DCP2: variants seen among roughly 807,000 people sequenced by gnomAD.
The protein encoded by DCP2 is decapping mRNA 2.
In DCP2, 30 loss-of-function variants were observed where a neutral mutation model predicts 56.1. That is an observed-to-expected ratio of 0.53 (90% CI 0.40 to 0.73). The LOEUF is 0.73. Among genes scored for constraint, DCP2 ranks in the 30% least tolerant of loss-of-function variants. The probability of loss-of-function intolerance (pLI) is 0.00; values close to 1 mark genes in which losing one functional copy is unlikely to be tolerated. For synonymous variants in DCP2, 197 were observed against 163.3 expected, an observed-to-expected ratio of 1.21 and a Z score of -1.57; for missense variants, 533 against 502.7, an observed-to-expected ratio of 1.06 and a Z score of -0.58.
chr5:112,999,611 G>C (rs1201512766), intron 4 of DCP2, among the ~76,000 whole-genome samples: 5 of 150,900 alleles, frequency 3.3e-5, no homozygotes. Context: ...ACAGGCGTGA[G>C]CCATCGCACC....
intron 2 of DCP2, among the ~76,000 whole-genome samples, chr5:112,986,915 G>A (rs1014809168): frequency 3.3e-5 from 5 of 152,140 alleles, no homozygotes; most frequent in African/African-American, 1.2e-4. Context: ...AGGCAGGAGG[G>A]TCTCTTGAGC....
chr5:113,010,659 A>C, intron 9 of DCP2, 97 bp from the exon 10 acceptor site: 1 of 1,308,872 alleles, frequency 7.6e-7, no homozygotes, highest in Admixed American at 3.0e-5. Context: ...TTTCTTCCTG[A>C]GAAATTTGAT....
In DCP2 at chr5:113,001,569, C is replaced by A; in HGVS notation, c.701C>A (p.Pro234Gln). ...GTGAATTCTTAATGTTTCTGCAGACCATTAAGGGACTGGCTTTCTCGAAGA... is the reference window on the plus strand; with the variant it reads ...GTGAATTCTTAATGTTTCTGCAGACAATTAAGGGACTGGCTTTCTCGAAGA... ...KFFMAIPFIRPLRDWLSRRFG... is the reference protein window; with the variant it reads ...KFFMAIPFIRQLRDWLSRRFG... The change falls in exon 7 of 11, where the codon CCA becomes CAA. Residue 234 changes from proline to glutamine, a missense_variant and splice_region_variant. By Grantham distance (76) the Pro-to-Gln change is moderately conservative. This residue lies in a region of DCP2 where 392 missense variants were observed against 346.6 expected (regional missense o/e 1.13). Coordinates refer to ENST00000389063, the MANE Select transcript of DCP2 (RefSeq NM_152624.6). The A allele has an allele frequency of 6.2e-7, 1 of 1,614,014 alleles. No homozygotes were observed. The highest frequency in any genetic ancestry group is 8.5e-7 in the Non-Finnish European group (1 of 1,179,902).
intron 7 of DCP2, among the ~76,000 whole-genome samples, chr5:113,003,108 GGAC>G (rs1411178252): frequency 1.1e-4 from 17 of 152,062 alleles, no homozygotes; most frequent in Non-Finnish European, 1.9e-4. Context: ...ACAGGAGCTT[GGAC>G]TAAATGCCCT....
At chr5:113,007,561 C>T (rs981420045) in intron 8 of DCP2, among the ~76,000 whole-genome samples, 14 of 152,046 alleles carry the variant, frequency 9.2e-5, no homozygotes, top group Admixed American at 6.6e-4. Flanking sequence ...CCACCATGCC[C>T]GGATAAGTTT....
At chr5:112,990,640 C>T (rs1748541125) in intron 2 of DCP2, among the ~76,000 whole-genome samples, 1 of 152,036 alleles carries the variant, frequency 6.6e-6, no homozygotes, top group African/African-American at 2.4e-5. Context: ...CAGGGTCTTA[C>T]TATGTTGCCC....
intron 1 of DCP2, chr5:112,984,703 A>AAAAAAAATATATATATATATATATAT: frequency 6.2e-5 from 4 of 64,858 alleles, no homozygotes; most frequent in African/African-American, 3.2e-4. Context: ...AAAAAAAAAA[A>AAAAAAAATATATATATATATATATAT]ATATATATAT....
intron 10 of DCP2, among the ~76,000 whole-genome samples, chr5:113,011,931 A>G (rs1749694480): frequency 6.6e-6 from 1 of 152,178 alleles, no homozygotes; most frequent in Non-Finnish European, 1.5e-5. Flanking sequence ...GTGGATATCC[A>G]GTTTTCCCAG....
Position 113,013,609 on chromosome 5 carries a change from A to G in DCP2, c.*125A>G, listed in dbSNP as rs979852627. The G allele has an allele frequency of 1.7e-6, 2 of 1,164,520 alleles. No homozygotes were observed. The highest frequency in any genetic ancestry group is 2.4e-6 in the Non-Finnish European group (2 of 824,934). 72.1% of individuals were successfully genotyped at this position (1,164,520 alleles called of 1,614,324 possible). On this transcript the variant is annotated 3_prime_UTR_variant, in exon 11 of 11. Transcript: ENST00000389063. The stretch of plus-strand genomic sequence containing the variant: ...GCAGGGAGGCAATGTTTCTGAAGAC[A>G]TTTTCTGTTTATAAGAGAGTAGAAA...
Position 112,986,405 on chromosome 5 carries a change from C to A in DCP2, c.205+419C>A, listed in dbSNP as rs1748289384. Among the ~76,000 whole-genome samples the A allele has an allele frequency of 2.0e-5, 3 of 151,548 alleles. 1 individual carries two copies. The highest frequency in any genetic ancestry group is 4.8e-5 in the African/African-American group (2 of 41,266). ...CAGGCTGAAGTGCAGTAATGTGATC[C>A]TAGCTTACTGTATTCTCGAGCTCCT... On this transcript the variant is annotated intron_variant, in intron 2 of 10. Transcript: ENST00000389063.
intron 2 of DCP2, among the ~76,000 whole-genome samples, chr5:112,989,869 GGTA>G (rs1225621715): frequency 1.3e-5 from 2 of 152,118 alleles, no homozygotes; most frequent in Non-Finnish European, 2.9e-5. Flanking sequence ...GAAAACCTGT[GGTA>G]GTAGAAATGA....
At chr5:112,987,385 CAT>C (rs1406634178) in intron 2 of DCP2, among the ~76,000 whole-genome samples, 1 of 152,120 alleles carries the variant, frequency 6.6e-6, no homozygotes, top group Non-Finnish European at 1.5e-5. Context: ...GTTGGAAAGT[CAT>C]ATGAGGTGAT....
At chr5:113,012,129 G>A (rs951436802) in intron 10 of DCP2, among the ~76,000 whole-genome samples, 10 of 152,082 alleles carry the variant, frequency 6.6e-5, no homozygotes, top group Non-Finnish European at 7.4e-5. Context: ...TTTAAAAGCC[G>A]TATATTCAGG....
At chr5:113,005,996 C>T (rs902298937) in intron 8 of DCP2, among the ~76,000 whole-genome samples, 55 of 151,554 alleles carry the variant, frequency 3.6e-4, no homozygotes, top group African/African-American at 1.3e-3. Flanking sequence ...CATGGTGGTG[C>T]ACACCTGTAG....
At chr5:112,979,126 GT>G (rs10715345) in intron 1 of DCP2, among the ~76,000 whole-genome samples, 37,900 of 152,030 alleles carry the variant, frequency 0.25, 6,046 homozygotes, top group African/African-American at 0.46. Context: ...TCCAGTGAGT[GT>G]ATTTAAGCTG....
chr5:113,020,927 T>G lies in DCP2; in HGVS notation c.*7443T>G, dbSNP rs1750091291. Reference sequence around the variant, plus strand: ...TTGTGTTAGATTGTTTGTAATGTACTATCAATAAAATTGGCTGCTTGGGCG... The same window carrying G: ...TTGTGTTAGATTGTTTGTAATGTACGATCAATAAAATTGGCTGCTTGGGCG... On this transcript the variant is annotated 3_prime_UTR_variant, in exon 11 of 11. Coordinates refer to ENST00000389063, the MANE Select transcript of DCP2 (RefSeq NM_152624.6). 1 of 152,244 alleles carries G rather than the reference T, an allele frequency of 6.6e-6. No individual in the cohort carries two copies. The highest frequency in any genetic ancestry group is 1.5e-5 in the Non-Finnish European group (1 of 68,044). The allele number at this position is 152,244 out of a possible 1,614,324, so 9.4% of individuals were successfully genotyped here. A position where few individuals can be genotyped will look rare whatever the true frequency, so the allele number is the denominator to read the frequency against.
At chr5:112,992,858 C>G in intron 4 of DCP2, 88 bp downstream of exon 4, 1 of 936,736 alleles carries the variant, frequency 1.1e-6, no homozygotes, top group Non-Finnish European at 1.5e-6. Context: ...CTTCTTTGGA[C>G]TGTCTTAACC....
At chr5:112,988,291 G>A (rs1196864116) in intron 2 of DCP2, among the ~76,000 whole-genome samples, 5 of 149,798 alleles carry the variant, frequency 3.3e-5, no homozygotes, top group Admixed American at 6.7e-5. Context: ...GACCATCCTG[G>A]CCAACACAGT....
At chr5:113,004,153 ACATCTTAATAGTT>A (rs1749307111) in intron 8 of DCP2, 76 bp downstream of exon 8, 2 of 1,509,010 alleles carry the variant, frequency 1.3e-6, no homozygotes, top group African/African-American at 2.8e-5. Context: ...TTGGAGAATT[ACATCTTAATAGTT>A]ACAGAGAGCT....
Sources: gnomAD v4.1 joint callset for allele counts (sites outside exome capture counted in the v4.1 genomes callset) on GRCh38, gnomAD v4.1.1 for gene constraint, gnomAD v4.1.1 regional missense constraint, MANE v1.5 for transcripts, NCBI Gene and HGNC (gene_info 2026-07-23, HGNC 2026-07-21) for gene names.